Variants in GMEB2 observed in about 807,000 individuals in gnomAD.
The protein encoded by GMEB2 is glucocorticoid modulatory element binding protein 2, also known as glucocorticoid modulatory element-binding protein 2.
In GMEB2, 7 loss-of-function variants were observed where a neutral mutation model predicts 45.7. That is an observed-to-expected ratio of 0.15 (90% CI 0.09 to 0.29). GMEB2 has a LOEUF of 0.29. GMEB2 is among the 10% of genes least tolerant of loss of function. The pLI is 1.00. For missense variants in GMEB2, 582 were observed against 739.2 expected, an observed-to-expected ratio of 0.79 and a Z score of 2.47; for synonymous variants, 322 against 323.6, an observed-to-expected ratio of 1.00 and a Z score of 0.05.
At chr20:63,624,913 G>T (rs911876392) in intron 1 of GMEB2, among the ~76,000 whole-genome samples, 2 of 151,956 alleles carry the variant, frequency 1.3e-5, no homozygotes, top group East Asian at 3.9e-4. Flanking sequence ...TCACCATGTT[G>T]GCCAGGACAG....
chr20:63,619,128 C>T lies in GMEB2; in HGVS notation c.131+139G>A, dbSNP rs1456054328. ...CTTTTCTTCGCTCTCTACTTACACA[C>T]ACATTTGAGTCCAGTCTCAGAAGAA... On this transcript the variant is annotated intron_variant, in intron 2 of 9. Transcript: ENST00000370077. This position sits in a 1 kb window ranked among gnomAD's most constrained non-coding sequence, Gnocchi z 4.6. 44 of 796,714 alleles carry T rather than the reference C, an allele frequency of 5.5e-5. No individual in the cohort carries two copies. In the South Asian group the frequency reaches 9.2e-4, roughly 17 times the overall value. 49.4% of individuals were successfully genotyped at this position (796,714 alleles called of 1,614,324 possible). A position where few individuals can be genotyped will look rare whatever the true frequency, so the allele number is the denominator to read the frequency against.
At chr20:63,625,860 T>C (rs1160589620) in intron 1 of GMEB2, among the ~76,000 whole-genome samples, 1 of 152,184 alleles carries the variant, frequency 6.6e-6, no homozygotes, top group African/African-American at 2.4e-5. Flanking sequence ...GCTCCCAAAG[T>C]GGTGGGATTA....
In GMEB2 at chr20:63,625,450, G is replaced by A. The variant is rs1346761948; in HGVS notation, c.-58+1506C>T. Among the ~76,000 whole-genome samples the A allele has an allele frequency of 3.3e-5, 5 of 152,012 alleles. No individual in the cohort carries two copies. In the South Asian group the frequency reaches 8.3e-4, roughly 25 times the overall value. ...GACCTCCCATAGTGCTGGGATTATAGGTGTGAGCCACTACACCTGGCCTCT... is the reference window on the plus strand; with the variant it reads ...GACCTCCCATAGTGCTGGGATTATAAGTGTGAGCCACTACACCTGGCCTCT... On this transcript the variant is annotated intron_variant, in intron 1 of 9. Transcript: ENST00000370077.
chr20:63,619,374 C>A lies in GMEB2; in HGVS notation c.24G>T (p.Val8=), dbSNP rs765991750. Residue 8 remains valine (V), a synonymous_variant, in exon 2 of 10, where the codon GTG becomes GTT. Coordinates refer to ENST00000370077, the MANE Select transcript of GMEB2 (RefSeq NM_012384.5). This position sits in a 1 kb window ranked among gnomAD's most constrained non-coding sequence, Gnocchi z 4.6. Reference sequence around the variant, plus strand: ...TCACAACCACCACCTCCTCCATGTGCACACTCACGTCGGGAGTCGCCATGG... The same window carrying A: ...TCACAACCACCACCTCCTCCATGTGAACACTCACGTCGGGAGTCGCCATGG... MATPDVS[V]HMEEVVVVTT... is the part of the protein sequence containing the mutation. The A allele has an allele frequency of 1.2e-6, 2 of 1,612,414 alleles. No individual in the cohort carries two copies. Among genetic ancestry groups the A allele is most frequent in the Non-Finnish European group, 1.7e-6 (2 of 1,179,878 alleles).
At chr20:63,625,991 T>G (rs982681920) in intron 1 of GMEB2, among the ~76,000 whole-genome samples, 1 of 152,244 alleles carries the variant, frequency 6.6e-6, no homozygotes. Flanking sequence ...AGAAAGAGAA[T>G]TCTGGTTCAA....
At chr20:63,610,327 C>T (rs2089559526) in intron 2 of GMEB2, among the ~76,000 whole-genome samples, 1 of 152,198 alleles carries the variant, frequency 6.6e-6, no homozygotes, top group Non-Finnish European at 1.5e-5. Flanking sequence ...CGAGACCATC[C>T]TGGCTAACAC....
chr20:63,598,583 C>T (rs1259772382), intron 4 of GMEB2, among the ~76,000 whole-genome samples: 1 of 152,282 alleles, frequency 6.6e-6, no homozygotes, highest in African/African-American at 2.4e-5. Flanking sequence ...ACCCAGGAGG[C>T]CCGAGTACGG....
In GMEB2 at chr20:63,619,747, T is replaced by C; in HGVS notation, c.-57-293A>G. ...GCAGGAGGACAGGAGGGGCCTGGAA[T>C]TCCAAGCAACTTCCCTGGACGCAGG... is the stretch of plus-strand genomic sequence containing the variant. On this transcript the variant is annotated intron_variant, in intron 1 of 9. Coordinates refer to ENST00000370077, the MANE Select transcript of GMEB2 (RefSeq NM_012384.5). This position sits in a 1 kb window ranked among gnomAD's most constrained non-coding sequence, Gnocchi z 4.6. 5.9e-6 allele frequency: 1 copy of C among 170,100 alleles called. No homozygotes were observed. The highest frequency in any genetic ancestry group is 1.3e-5 in the Non-Finnish European group (1 of 79,546). 10.5% of individuals were successfully genotyped at this position (170,100 alleles called of 1,614,324 possible). A position where few individuals can be genotyped will look rare whatever the true frequency, so the allele number is the denominator to read the frequency against.
At chr20:63,594,118 A>G (rs1050744512) in intron 6 of GMEB2, among the ~76,000 whole-genome samples, 4 of 152,236 alleles carry the variant, frequency 2.6e-5, no homozygotes, top group Non-Finnish European at 4.4e-5. Context: ...TATGACTCAT[A>G]TTACACATCT....
intron 2 of GMEB2, among the ~76,000 whole-genome samples, chr20:63,615,370 G>A (rs775892241): frequency 6.6e-5 from 10 of 152,052 alleles, no homozygotes; most frequent in Non-Finnish European, 1.2e-4. Context: ...TGTCACCCAG[G>A]CTGCAGTGCA....
intron 4 of GMEB2, among the ~76,000 whole-genome samples, chr20:63,602,207 C>A (rs534262240): frequency 3.9e-5 from 6 of 152,204 alleles, no homozygotes; most frequent in South Asian, 4.1e-4. Context: ...CCACTGATAA[C>A]GACACTCTCA....
chr20:63,589,056 CG>C lies in GMEB2; in HGVS notation c.*1032del. On this transcript the variant is annotated 3_prime_UTR_variant, in exon 10 of 10. Coordinates refer to ENST00000370077, the MANE Select transcript of GMEB2 (RefSeq NM_012384.5). ...GCCAGCCCAGGGGCTGCATGGGGGC[CG>C]GGGGCCAGGGAGCCAAGGGCTGTTC... The C allele has an allele frequency of 2.5e-6, 1 of 399,024 alleles. No homozygotes were observed. The highest frequency in any genetic ancestry group is 4.4e-6 in the Non-Finnish European group (1 of 226,388). The allele number at this position is 399,024 out of a possible 1,614,324, so 24.7% of individuals were successfully genotyped here.
chr20:63,595,505 CGTGAG>C (rs2083188518), intron 6 of GMEB2, 100 bp downstream of exon 6: 3 of 1,019,278 alleles, frequency 2.9e-6, no homozygotes, highest in Admixed American at 2.3e-5. Context: ...GCAGTCCTGG[CGTGAG>C]CAAACGCCTG....
At chr20:63,595,293 G>C (rs979099414) in intron 6 of GMEB2, among the ~76,000 whole-genome samples, 2 of 151,576 alleles carry the variant, frequency 1.3e-5, no homozygotes, top group African/African-American at 4.8e-5. Context: ...TGGGAGGGAG[G>C]GGGCCGGGTG....
chr20:63,625,214 C>T (rs765073414), intron 1 of GMEB2, among the ~76,000 whole-genome samples: 2 of 151,764 alleles, frequency 1.3e-5, no homozygotes, highest in Non-Finnish European at 2.9e-5. Flanking sequence ...CTCGCTCTGT[C>T]ACCCAGGCTG....
intron 1 of GMEB2, among the ~76,000 whole-genome samples, chr20:63,621,273 G>A (rs1341702337): frequency 1.3e-5 from 2 of 152,174 alleles, no homozygotes. Flanking sequence ...GTTCTTTAAT[G>A]AGTACAGAAT....
Position 63,593,410 on chromosome 20 carries a change from G to A in GMEB2, c.620-328C>T, listed in dbSNP as rs1476837691. Among the ~76,000 whole-genome samples, 3 of 151,882 alleles carry A rather than the reference G, an allele frequency of 2.0e-5. No individual in the cohort carries two copies. The highest frequency in any genetic ancestry group is 4.8e-5 in the African/African-American group (2 of 41,332). ...CTCAACAAGCACTTTCGACTGGACCGTCAGGAGCGAGACAAGGTGATCCTT... is the reference window on the plus strand; with the variant it reads ...CTCAACAAGCACTTTCGACTGGACCATCAGGAGCGAGACAAGGTGATCCTT... On this transcript the variant is annotated intron_variant, in intron 6 of 9. Coordinates refer to ENST00000370077, the MANE Select transcript of GMEB2 (RefSeq NM_012384.5). The surrounding 1 kb of genome is among the most constrained non-coding windows in gnomAD (Gnocchi z 4.7).
intron 9 of GMEB2, 22 bp downstream of exon 9, chr20:63,592,000 G>A (rs776200162): frequency 1.9e-5 from 30 of 1,599,754 alleles, no homozygotes; most frequent in Non-Finnish European, 2.5e-5. Flanking sequence ...CAGGGGACGG[G>A]ACGGGGGTGG....
chr20:63,593,106 G>T lies in GMEB2; in HGVS notation c.620-24C>A. On this transcript the variant is annotated intron_variant, in intron 6 of 9. Coordinates refer to ENST00000370077, the MANE Select transcript of GMEB2 (RefSeq NM_012384.5). This position sits in a 1 kb window ranked among gnomAD's most constrained non-coding sequence, Gnocchi z 4.7. ...CACTGCAGCCGAAAGGGAACCTCGGGTGAGTGCTGTTTGGACCACAGTCCC... is the reference window on the plus strand; with the variant it reads ...CACTGCAGCCGAAAGGGAACCTCGGTTGAGTGCTGTTTGGACCACAGTCCC... 1 of 1,514,344 alleles carries T rather than the reference G, an allele frequency of 6.6e-7. No individual in the cohort carries two copies. Among genetic ancestry groups the T allele is most frequent in the Non-Finnish European group, 9.1e-7 (1 of 1,093,438 alleles). 93.8% of individuals were successfully genotyped at this position (1,514,344 alleles called of 1,614,324 possible).
Sources: gnomAD v4.1 joint callset for allele counts (sites outside exome capture counted in the v4.1 genomes callset) on GRCh38, gnomAD v4.1.1 for gene constraint, Gnocchi (gnomAD v3.1) non-coding constraint, MANE v1.5 for transcripts, NCBI Gene and HGNC (gene_info 2026-07-23, HGNC 2026-07-21) for gene names.